EGLN1: variants seen among roughly 807,000 people sequenced by gnomAD.
EGLN1 encodes egl-9 family hypoxia inducible factor 1, also known as egl nine homolog 1.
A neutral mutation model predicts 38.3 loss-of-function variants in EGLN1; 17 were observed. That is an observed-to-expected ratio of 0.44 (90% CI 0.30 to 0.67). The LOEUF (loss-of-function observed/expected upper bound fraction) is 0.67, where lower values mean the gene tolerates loss of function less well. Among genes scored for constraint, EGLN1 ranks in the 30% least tolerant of loss-of-function variants. The pLI, the probability that EGLN1 is intolerant of heterozygous loss-of-function variation, is 0.08. For synonymous variants in EGLN1, 283 were observed against 257.5 expected, an observed-to-expected ratio of 1.10 and a Z score of -0.95; for missense variants, 477 against 603.3, an observed-to-expected ratio of 0.79 and a Z score of 2.19.
At chr1:231,391,380 A>G (rs186050573) in intron 1 of EGLN1, among the ~76,000 whole-genome samples, 15 of 152,312 alleles carry the variant, frequency 9.8e-5, no homozygotes, top group Non-Finnish European at 2.1e-4. Context: ...TTAAAAGTGG[A>G]AAAGATCATA....
At chr1:231,370,275 A>C (rs940763802) in intron 3 of EGLN1, among the ~76,000 whole-genome samples, 1 of 152,220 alleles carries the variant, frequency 6.6e-6, no homozygotes, top group Non-Finnish European at 1.5e-5. Context: ...TAAGAGATGC[A>C]CAAAGCACGG....
chr1:231,374,049 A>G lies in EGLN1; in HGVS notation c.942T>C (p.Val314=). The G allele has an allele frequency of 1.2e-6, 2 of 1,613,604 alleles. No homozygotes were observed. The highest frequency in any genetic ancestry group is 1.7e-4 in the Middle Eastern group (1 of 6,052). ...ATCTTCCATCTCCATTTGGATTATC[A>G]ACATGACGTACATAACCCGTTCCAT... ...PGNGTGYVRH[V]DNPNGDGRCV... The change falls in exon 2 of 5, where the codon GTT becomes GTC. Residue 314 remains valine, a synonymous_variant. Coordinates refer to ENST00000366641, the MANE Select transcript of EGLN1 (RefSeq NM_022051.3).
chr1:231,375,216 C>G lies in EGLN1; in HGVS notation c.892-1117G>C, dbSNP rs549414020. ...GATTACAGGTGCATGCTGCCAGGCC[C>G]GGCTAATTTTTGTATTTTTAGTAGA... On this transcript the variant is annotated intron_variant, in intron 1 of 4. Transcript: ENST00000366641. Among the ~76,000 whole-genome samples, 9 of 152,090 alleles carry G rather than the reference C, an allele frequency of 5.9e-5. No homozygotes were observed. The South Asian group carries it at 1.2e-3, about 21-fold the overall frequency.
chr1:231,421,898 G>A lies in EGLN1; in HGVS notation c.-10C>T, dbSNP rs1558087324. 5.0e-6 allele frequency: 7 copies of A among 1,413,768 alleles called. No individual in the cohort carries two copies. The highest frequency in any genetic ancestry group is 1.5e-5 in the African/African-American group (1 of 66,356). The allele number at this position is 1,413,768 out of a possible 1,614,324, so 87.6% of individuals were successfully genotyped here. A position where few individuals can be genotyped will look rare whatever the true frequency, so the allele number is the denominator to read the frequency against. On this transcript the variant is annotated 5_prime_UTR_variant, in exon 1 of 5. Transcript: ENST00000366641. The surrounding 1 kb of genome is among the most constrained non-coding windows in gnomAD (Gnocchi z 5.5). ...CGCTGTCATTGGCCATGGCGGCGGC[G>A]GCGGCGGCGACGGCGACTGCGGCGG...
In EGLN1 at chr1:231,421,057, C is replaced by T. The variant is rs371536347; in HGVS notation, c.832G>A (p.Asp278Asn). ...TTCCCGTTACAGTGGCGTATCAGGT[C>T]GTCCATGCTGCTCATGAGCAGCCCA... ...TIGLLMSSMD[D>N]LIRHCNGKLG... The change falls in exon 1 of 5, where the codon GAC becomes AAC. Residue 278 changes from aspartate to asparagine, a missense_variant. By Grantham distance (23) the Asp-to-Asn change is conservative. Coordinates refer to ENST00000366641, the MANE Select transcript of EGLN1 (RefSeq NM_022051.3). This position sits in a 1 kb window ranked among gnomAD's most constrained non-coding sequence, Gnocchi z 5.5. 3.3e-5 allele frequency: 53 copies of T among 1,614,156 alleles called. 1 individual carries two copies. The East Asian group carries it at 5.8e-4, about 18-fold the overall frequency.
At chr1:231,386,167 C>G (rs1688199658) in intron 1 of EGLN1, among the ~76,000 whole-genome samples, 2 of 151,814 alleles carry the variant, frequency 1.3e-5, no homozygotes, top group South Asian at 2.1e-4. Context: ...GATAACCAAA[C>G]ACTTCTGAAA....
intron 1 of EGLN1, among the ~76,000 whole-genome samples, chr1:231,388,337 T>C (rs1688274293): frequency 6.6e-6 from 1 of 152,158 alleles, no homozygotes; most frequent in Admixed American, 6.5e-5. Context: ...TTCTCACATA[T>C]GTGGTTGATA....
chr1:231,418,297 GTA>G (rs907339540), intron 1 of EGLN1, among the ~76,000 whole-genome samples: 1 of 152,188 alleles, frequency 6.6e-6, no homozygotes, highest in African/African-American at 2.4e-5. Flanking sequence ...CAACCATAGA[GTA>G]TGATTACTCA....
intron 1 of EGLN1, among the ~76,000 whole-genome samples, chr1:231,391,142 G>A (rs540875497): frequency 1.3e-5 from 2 of 150,622 alleles, no homozygotes; most frequent in East Asian, 3.9e-4. Flanking sequence ...GTGAGACAGG[G>A]AACTCATTCT....
In EGLN1 at chr1:231,420,901, G is replaced by A; in HGVS notation, c.891+97C>T. ...AGAAAGAGCGAGTCCCTTCTATATA[G>A]AGGAATGCTGCTTCTCAGCCTAGGC... On this transcript the variant is annotated intron_variant, in intron 1 of 4. Transcript: ENST00000366641. 2.5e-6 allele frequency: 4 copies of A among 1,609,568 alleles called. 1 individual carries two copies. In the South Asian group the frequency reaches 3.3e-5, roughly 13 times the overall value.
intron 1 of EGLN1, among the ~76,000 whole-genome samples, chr1:231,419,421 T>A (rs547800265): frequency 2.6e-5 from 4 of 152,208 alleles, no homozygotes; most frequent in Admixed American, 1.3e-4. Flanking sequence ...TGGGACATCA[T>A]CTTCTTCAAG....
At chr1:231,396,741 T>G (rs1389625539) in intron 1 of EGLN1, among the ~76,000 whole-genome samples, 1 of 152,194 alleles carries the variant, frequency 6.6e-6, no homozygotes, top group Non-Finnish European at 1.5e-5. Flanking sequence ...AATTTATTTG[T>G]CTGTCTTCCC....
chr1:231,397,541 T>C (rs2102922297), intron 1 of EGLN1, among the ~76,000 whole-genome samples: 1 of 152,282 alleles, frequency 6.6e-6, no homozygotes, highest in Middle Eastern at 3.4e-3. Flanking sequence ...TACTTTCAAA[T>C]TACAATAGCA....
chr1:231,407,149 G>C (rs1167758896), intron 1 of EGLN1, among the ~76,000 whole-genome samples: 1 of 152,126 alleles, frequency 6.6e-6, no homozygotes, highest in East Asian at 1.9e-4. Flanking sequence ...GAATGTGTGA[G>C]AAAACCAGAT....
At chr1:231,383,371 T>A (rs898223301) in intron 1 of EGLN1, among the ~76,000 whole-genome samples, 1 of 152,142 alleles carries the variant, frequency 6.6e-6, no homozygotes, top group African/African-American at 2.4e-5. Context: ...CAAACAGTTA[T>A]GCAAAGGCAC....
intron 1 of EGLN1, among the ~76,000 whole-genome samples, chr1:231,377,033 A>G (rs1435862271): frequency 3.3e-5 from 5 of 152,216 alleles, no homozygotes; most frequent in Non-Finnish European, 7.4e-5. Context: ...CAGGAAGCCA[A>G]CAGAGAATGT....
chr1:231,380,665 T>G (rs1688061481), intron 1 of EGLN1, among the ~76,000 whole-genome samples: 1 of 152,234 alleles, frequency 6.6e-6, no homozygotes, highest in African/African-American at 2.4e-5. Flanking sequence ...TCTCCAGAAT[T>G]ATTGCATGAG....
chr1:231,385,638 T>C (rs1436535438), intron 1 of EGLN1, among the ~76,000 whole-genome samples: 2 of 152,090 alleles, frequency 1.3e-5, no homozygotes, highest in African/African-American at 4.8e-5. Flanking sequence ...AATGATGAAC[T>C]TGGGTTTTAG....
At chr1:231,405,512 A>C (rs2102930416) in intron 1 of EGLN1, among the ~76,000 whole-genome samples, 1 of 152,240 alleles carries the variant, frequency 6.6e-6, no homozygotes, top group South Asian at 2.1e-4. Context: ...TTTTACAAAT[A>C]ATCATCTACT....
Sources: allele counts gnomAD v4.1 joint callset (sites outside exome capture counted in the v4.1 genomes callset), GRCh38; gene constraint gnomAD v4.1.1; non-coding constraint Gnocchi (gnomAD v3.1); transcripts MANE v1.5; gene names NCBI Gene and HGNC (gene_info 2026-07-23, HGNC 2026-07-21).